The following OTULINL variants were observed in gnomAD, a reference collection of about 807,000 sequenced individuals.
OTULINL encodes inactive ubiquitin thioesterase OTULINL.
OTULINL carries 42 observed loss-of-function variants against 43.9 expected under a neutral mutation model. That is an observed-to-expected ratio of 0.96 (90% CI 0.75 to 1.24). The LOEUF is 1.24. OTULINL is among the 50% of genes most tolerant of loss of function. The pLI is 0.00. For synonymous variants in OTULINL, 172 were observed against 153.6 expected, an observed-to-expected ratio of 1.12 and a Z score of -0.88; for missense variants, 411 against 426.4, an observed-to-expected ratio of 0.96 and a Z score of 0.32.
At chr5:14,603,082 A>G (rs1297293473) in intron 5 of OTULINL, among the ~76,000 whole-genome samples, 2 of 152,212 alleles carry the variant, frequency 1.3e-5, no homozygotes, top group African/African-American at 4.8e-5. Context: ...ATCATTCAGT[A>G]TGTAGCTTTT....
At chr5:14,581,998 G>T in intron 1 of OTULINL, 40 bp downstream of exon 1, 1 of 1,225,122 alleles carries the variant, frequency 8.2e-7, no homozygotes, top group Non-Finnish European at 1.0e-6. Context: ...GGGGGCGCGA[G>T]CAGGGACCGT....
rs1210050005 is a variant in OTULINL at position 14,613,039 on chromosome 5, C to T, written c.*2725C>T. On this transcript the variant is annotated 3_prime_UTR_variant, in exon 8 of 8. Transcript: ENST00000274217. Reference sequence around the variant, plus strand: ...CCAGGTTCAAGCGATTCTCCTGCCTCAGCCTCCCGAGTAGCCGGGATTACA... The same window carrying T: ...CCAGGTTCAAGCGATTCTCCTGCCTTAGCCTCCCGAGTAGCCGGGATTACA... 6.6e-6 allele frequency among the ~76,000 whole-genome samples: 1 copy of T among 152,170 alleles called. No homozygotes were observed. Among genetic ancestry groups the T allele is most frequent in the Non-Finnish European group, 1.5e-5 (1 of 68,046 alleles).
intron 1 of OTULINL, among the ~76,000 whole-genome samples, chr5:14,585,167 T>G (rs990778840): frequency 1.3e-5 from 2 of 151,992 alleles, no homozygotes; most frequent in Admixed American, 6.5e-5. Flanking sequence ...AGAAAGTGTG[T>G]GCCAAGGAAA....
intron 7 of OTULINL, 65 bp downstream of exon 7, chr5:14,609,082 G>A (rs1377975031): frequency 6.6e-7 from 1 of 1,516,170 alleles, no homozygotes; most frequent in Non-Finnish European, 8.9e-7. Flanking sequence ...TGAACACAGA[G>A]GTGTCTGGGG....
Position 14,611,565 on chromosome 5 carries a change from T to C in OTULINL, c.*1251T>C, listed in dbSNP as rs1488159230. 1 of 152,212 alleles carries C rather than the reference T, an allele frequency of 6.6e-6. No individual in the cohort carries two copies. The highest frequency in any genetic ancestry group is 1.9e-4 in the East Asian group (1 of 5,200). 9.4% of individuals were successfully genotyped at this position (152,212 alleles called of 1,614,324 possible). On this transcript the variant is annotated 3_prime_UTR_variant, in exon 8 of 8. Coordinates refer to ENST00000274217, the MANE Select transcript of OTULINL (RefSeq NM_019018.3). ...AGTGAAGCCTGTGTTGGACCTCTAATCTGCAGAACTGTAAGATAATAGATT... is the reference window on the plus strand; with the variant it reads ...AGTGAAGCCTGTGTTGGACCTCTAACCTGCAGAACTGTAAGATAATAGATT...
intron 4 of OTULINL, among the ~76,000 whole-genome samples, chr5:14,601,653 C>T (rs192475324): frequency 1.5e-3 from 221 of 152,344 alleles, no homozygotes; most frequent in Non-Finnish European, 1.5e-3. Flanking sequence ...GGGCTCAGGT[C>T]GATGAGGTCT....
intron 1 of OTULINL, among the ~76,000 whole-genome samples, chr5:14,584,500 A>T (rs152620): frequency 0.24 from 36,796 of 152,012 alleles, 4,715 homozygotes; most frequent in African/African-American, 0.35. Flanking sequence ...TGGAGGAAAG[A>T]GTTTAATGCT....
chr5:14,600,405 A>G (rs938788753), intron 1 of OTULINL, among the ~76,000 whole-genome samples: 32 of 152,218 alleles, frequency 2.1e-4, no homozygotes, highest in African/African-American at 7.7e-4. Context: ...GGACGAACAC[A>G]GAGGCGTCTC....
At chr5:14,595,772 A>G (rs930325004) in intron 1 of OTULINL, among the ~76,000 whole-genome samples, 1 of 149,372 alleles carries the variant, frequency 6.7e-6, no homozygotes, top group Admixed American at 6.8e-5. Flanking sequence ...AGGTCCTGGT[A>G]TAATTCCTCT....
intron 1 of OTULINL, among the ~76,000 whole-genome samples, chr5:14,594,996 G>A (rs1759262263): frequency 6.6e-6 from 1 of 152,108 alleles, no homozygotes; most frequent in African/African-American, 2.4e-5. Context: ...GAAGCAGATA[G>A]AAATACCTGT....
At position 14,602,472 on chromosome 5, in the gene OTULINL, G is replaced by C. The variant is rs979868604; in HGVS notation, c.498+140G>C. ...TGTTTTTTTGAGACAAGATCTCACT[G>C]TCACCCAGGATTGAGTGTAGTGGGG... On this transcript the variant is annotated intron_variant, in intron 5 of 7. Coordinates refer to ENST00000274217, the MANE Select transcript of OTULINL (RefSeq NM_019018.3). 4 of 713,006 alleles carry C rather than the reference G, an allele frequency of 5.6e-6. No homozygotes were observed. In the East Asian group the frequency reaches 1.1e-4, roughly 19 times the overall value. 44.2% of individuals were successfully genotyped at this position (713,006 alleles called of 1,614,324 possible). A position where few individuals can be genotyped will look rare whatever the true frequency, so the allele number is the denominator to read the frequency against.
chr5:14,606,111 G>C (rs879294623), intron 5 of OTULINL, among the ~76,000 whole-genome samples: 42 of 152,310 alleles, frequency 2.8e-4, no homozygotes, highest in African/African-American at 9.6e-4. Flanking sequence ...GGTTTAACTG[G>C]ACTTAGAGAC....
Position 14,607,471 on chromosome 5 carries a change from G to C in OTULINL, c.627+13G>C, listed in dbSNP as rs199937398. The C allele has an allele frequency of 3.1e-6, 5 of 1,612,596 alleles. No individual in the cohort carries two copies. The South Asian group carries it at 4.4e-5, about 14-fold the overall frequency. On this transcript the variant is annotated intron_variant, in intron 6 of 7. Transcript: ENST00000274217. The stretch of plus-strand genomic sequence containing the variant: ...ATTGAAAACACAGGTAAGTGTTTGC[G>C]GGGGAAATAAAAAGACTAGGAATAA...
At chr5:14,597,156 A>G (rs1759301436) in intron 1 of OTULINL, among the ~76,000 whole-genome samples, 1 of 152,230 alleles carries the variant, frequency 6.6e-6, no homozygotes, top group African/African-American at 2.4e-5. Context: ...AGTAATAACA[A>G]TAAAAACAAT....
At chr5:14,605,137 C>G (rs1235846201) in intron 5 of OTULINL, among the ~76,000 whole-genome samples, 1 of 152,224 alleles carries the variant, frequency 6.6e-6, no homozygotes, top group Non-Finnish European at 1.5e-5. Context: ...TGTATATCCT[C>G]TGAAACCTGG....
intron 1 of OTULINL, among the ~76,000 whole-genome samples, chr5:14,584,012 A>T (rs1252581854): frequency 6.6e-6 from 1 of 152,218 alleles, no homozygotes; most frequent in Non-Finnish European, 1.5e-5. Context: ...CTGAATCAGA[A>T]TGTTAGATGC....
At position 14,608,760 on chromosome 5, in the gene OTULINL, A is replaced by C; in HGVS notation, c.640A>C (p.Asn214His). The C allele has an allele frequency of 6.2e-7, 1 of 1,602,040 alleles. No homozygotes were observed. Among genetic ancestry groups the C allele is most frequent in the Non-Finnish European group, 8.5e-7 (1 of 1,170,866 alleles). The change falls in exon 7 of 8, where the codon AAT (asparagine) becomes CAT (histidine). Residue 214 changes from asparagine to histidine, a missense_variant. Coordinates refer to ENST00000274217, the MANE Select transcript of OTULINL (RefSeq NM_019018.3). ...CATCTGTTTTTAGTGGACTGAATTT[A>C]ATGGCATTAGAGATTATCACAAGAG... ...ELLKTQWTEFNGIRDYHKRGS... is the reference protein window; with the variant it reads ...ELLKTQWTEFHGIRDYHKRGS...
At chr5:14,600,877 C>A in intron 1 of OTULINL, 88 bp from the exon 2 acceptor site, 2 of 1,106,802 alleles carry the variant, frequency 1.8e-6, no homozygotes, top group Non-Finnish European at 1.2e-6. Context: ...TAAAATTATG[C>A]AATCTCTCTC....
chr5:14,614,822 T>C lies in OTULINL; in HGVS notation c.*4508T>C, dbSNP rs531611614. 2.3e-5 allele frequency: 9 copies of C among 398,366 alleles called. 1 individual carries two copies. The South Asian group carries it at 1.2e-3, about 52-fold the overall frequency. The allele number at this position is 398,366 out of a possible 1,614,324, so 24.7% of individuals were successfully genotyped here. On this transcript the variant is annotated 3_prime_UTR_variant, in exon 8 of 8. Transcript: ENST00000274217. ...TAATCCTAGCTGGTGTCTCGTTCTG[T>C]TTAAAAAAATCAAATTTCTGTATGT...
Sources: allele counts gnomAD v4.1 joint callset (sites outside exome capture counted in the v4.1 genomes callset), GRCh38; gene constraint gnomAD v4.1.1; transcripts MANE v1.5; gene names NCBI Gene and HGNC (gene_info 2026-07-23, HGNC 2026-07-21).